Variants in ATAD2B observed in about 807,000 individuals in gnomAD.
The protein encoded by ATAD2B is ATPase family AAA domain-containing protein 2B.
Under a neutral mutation model 167.6 loss-of-function variants are expected in ATAD2B, and 40 were observed. That is an observed-to-expected ratio of 0.24 (90% confidence interval 0.19 to 0.31). The LOEUF (loss-of-function observed/expected upper bound fraction) is 0.31, where lower values mean the gene tolerates loss of function less well. ATAD2B is among the 10% of genes least tolerant of loss of function. The pLI is 1.00. For missense variants in ATAD2B, 1,242 were observed against 1,757.2 expected, an observed-to-expected ratio of 0.71 and a Z score of 5.24; for synonymous variants, 579 against 596.5, an observed-to-expected ratio of 0.97 and a Z score of 0.43.
intron 22 of ATAD2B, among the ~76,000 whole-genome samples, chr2:23,776,748 A>C (rs1679198288): frequency 6.6e-6 from 1 of 152,172 alleles, no homozygotes; most frequent in African/African-American, 2.4e-5. Flanking sequence ...CTGGCACCTT[A>C]AGACATTATT....
chr2:23,737,230 G>A, the ATAD2B span, among the ~76,000 whole-genome samples: 1 of 152,186 alleles, frequency 6.6e-6, no homozygotes, highest in East Asian at 1.9e-4. Context: ...CTTGAGATCT[G>A]AGAACGGGCA....
At chr2:23,754,428 T>TA in intron 26 of ATAD2B, 121 bp from the exon 27 acceptor site, 1 of 1,215,092 alleles carries the variant, frequency 8.2e-7, no homozygotes, top group Admixed American at 2.9e-5. Context: ...AACATGAAAT[T>TA]AAAAGATTTG....
chr2:23,756,612 C>G (rs1675981948), intron 25 of ATAD2B, among the ~76,000 whole-genome samples: 1 of 152,152 alleles, frequency 6.6e-6, no homozygotes, highest in Admixed American at 6.6e-5. Context: ...CCTTAACTCC[C>G]TCTTTCTGCT....
rs1190642546 is a variant in ATAD2B, at chr2:23,810,459, G to T, written c.2311C>A (p.Leu771Ile). Residue 771 changes from leucine to isoleucine, a missense_variant, in exon 18 of 28, where the codon CTC (leucine) becomes ATC (isoleucine). Transcript: ENST00000238789. ...QPTSYRPRLL[L>I]SGERGSGQTS... ...TGACCTGAGCCCCGTTCTCCAGAGA[G>T]CAATAAGCGTGGCCTGTAAGAGGTT... 6.2e-7 allele frequency: 1 copy of T among 1,613,794 alleles called. No homozygotes were observed. Among genetic ancestry groups the T allele is most frequent in the Non-Finnish European group, 8.5e-7 (1 of 1,179,846 alleles).
rs1351654690 is a variant in ATAD2B, at chr2:23,754,202, A to C, written c.4312T>G (p.Tyr1438Asp). The change falls in exon 27 of 28, where the codon TAT becomes GAT. Residue 1438 changes from tyrosine to aspartate, a missense_variant. Physicochemically the swap from Tyr to Asp is radical, Grantham distance 160. Transcript: ENST00000238789. ...ACCTCTACAAGTTGTGATTTGTCATAATCTTTACGATGACGGTAGATACAC... is the reference window on the plus strand; with the variant it reads ...ACCTCTACAAGTTGTGATTTGTCATCATCTTTACGATGACGGTAGATACAC... ...SQCIYRHRKD[Y>D]DKSQLVEEME... The C allele has an allele frequency of 6.5e-7, 1 of 1,548,524 alleles. No individual in the cohort carries two copies. The highest frequency in any genetic ancestry group is 1.2e-5 in the South Asian group (1 of 81,436).
chr2:23,926,674 C>G lies in ATAD2B; in HGVS notation c.97G>C (p.Gly33Arg), dbSNP rs527447797. 1 of 1,556,468 alleles carries G rather than the reference C, an allele frequency of 6.4e-7. No individual in the cohort carries two copies. The highest frequency in any genetic ancestry group is 1.2e-5 in the South Asian group (1 of 84,538). Residue 33 changes from glycine to arginine, a missense_variant, in exon 1 of 28, where the codon GGA becomes CGA. By Grantham distance (125) the Gly-to-Arg change is moderately radical (BLOSUM62 -2). This residue lies in a region of ATAD2B where 199 missense variants were observed against 194.9 expected (regional missense o/e 1.02). Transcript: ENST00000238789. Reference protein sequence around the residue: ...PGAGAEPGATGGSSHFISSRT... With the variant: ...PGAGAEPGATRGSSHFISSRT... Reference sequence around the variant, plus strand: ...GAGGAGATGAAATGGCTGCTGCCTCCGGTCGCCCCAGGCTCTGCTCCGGCC... The same window carrying G: ...GAGGAGATGAAATGGCTGCTGCCTCGGGTCGCCCCAGGCTCTGCTCCGGCC...
chr2:23,740,545 C>T, the ATAD2B span, among the ~76,000 whole-genome samples: 7 of 151,856 alleles, frequency 4.6e-5, no homozygotes, highest in South Asian at 2.1e-4. Flanking sequence ...ATTGATGGGA[C>T]GTATCTCAAA....
At chr2:23,702,990 C>T in the ATAD2B span, among the ~76,000 whole-genome samples, 2 of 152,322 alleles carry the variant, frequency 1.3e-5, no homozygotes, top group East Asian at 3.9e-4. Context: ...AGAGGAAGGC[C>T]GAGAGGGCTA....
chr2:23,691,743 C>T, the ATAD2B span: 375 of 1,551,680 alleles, frequency 2.4e-4, no homozygotes, highest in Non-Finnish European at 2.8e-4. Context: ...TGCAGGCAGA[C>T]GTCCTGGAGT....
chr2:23,703,362 T>A, the ATAD2B span: 1 of 1,513,968 alleles, frequency 6.6e-7, no homozygotes, highest in Non-Finnish European at 8.8e-7. Flanking sequence ...TGGAGCTTCA[T>A]CGAGTCCCCA....
chr2:23,781,720 T>C (rs1680084049), intron 22 of ATAD2B, among the ~76,000 whole-genome samples: 1 of 150,636 alleles, frequency 6.6e-6, no homozygotes, highest in Non-Finnish European at 1.5e-5. Context: ...CTGACTAATA[T>C]GAATGACTGC....
chr2:23,852,897 C>T (rs867210564), intron 13 of ATAD2B, among the ~76,000 whole-genome samples: 4 of 148,380 alleles, frequency 2.7e-5, no homozygotes, highest in African/African-American at 7.5e-5. Flanking sequence ...CCAGCATGGG[C>T]GACAGAGCGA....
chr2:23,891,469 T>C (rs1490463888), intron 2 of ATAD2B, among the ~76,000 whole-genome samples: 1 of 152,074 alleles, frequency 6.6e-6, no homozygotes, highest in East Asian at 1.9e-4. Flanking sequence ...TTTTTTTCCC[T>C]GTATCGTTTC....
chr2:23,777,963 GT>G (rs899553395), intron 22 of ATAD2B, among the ~76,000 whole-genome samples: 1 of 152,152 alleles, frequency 6.6e-6, no homozygotes, highest in African/African-American at 2.4e-5. Context: ...GTATATGTTA[GT>G]TTTTTCCCCA....
intron 12 of ATAD2B, among the ~76,000 whole-genome samples, chr2:23,858,658 G>GT (rs1693839874): frequency 2.0e-5 from 3 of 151,700 alleles, no homozygotes; most frequent in Non-Finnish European, 4.4e-5. Context: ...TAATTTTTAA[G>GT]TATTTGGAGA....
At chr2:23,778,495 G>C (rs1679507617) in intron 22 of ATAD2B, among the ~76,000 whole-genome samples, 1 of 152,108 alleles carries the variant, frequency 6.6e-6, no homozygotes, top group South Asian at 2.1e-4. Flanking sequence ...AAAGTATAAA[G>C]GGTCATTCTA....
chr2:23,719,756 C>T, the ATAD2B span, among the ~76,000 whole-genome samples: 1 of 152,130 alleles, frequency 6.6e-6, no homozygotes, highest in Non-Finnish European at 1.5e-5. Context: ...GGAGTCCTGT[C>T]CTTATCTTAA....
chr2:23,818,118 CACATTACACACACACACACACACAG>C (rs1558590962), intron 17 of ATAD2B, among the ~76,000 whole-genome samples: 10 of 87,392 alleles, frequency 1.1e-4, no homozygotes, highest in Non-Finnish European at 1.7e-4. Context: ...CACACACACA[CACATTACACACACACACACACACAG>C]AGAGAGAGAA....
the ATAD2B span, among the ~76,000 whole-genome samples, chr2:23,711,948 C>A: frequency 6.6e-6 from 1 of 152,192 alleles, no homozygotes; most frequent in Non-Finnish European, 1.5e-5. Context: ...CATAGGGCTT[C>A]ATCTTCACCC....
Sources: allele counts gnomAD v4.1 joint callset (sites outside exome capture counted in the v4.1 genomes callset), GRCh38; gene constraint gnomAD v4.1.1; regional missense constraint gnomAD v4.1.1; transcripts MANE v1.5; gene names NCBI Gene and HGNC (gene_info 2026-07-23, HGNC 2026-07-21).